Variants in IQSEC1 observed in about 807,000 individuals in gnomAD.
The protein encoded by IQSEC1 is IQ motif and Sec7 domain ArfGEF 1.
IQSEC1 carries 31 observed loss-of-function variants against 91.0 expected under a neutral mutation model. The observed-to-expected ratio is 0.34, with a 90% confidence interval of 0.26 to 0.46. The LOEUF is 0.46. Among genes scored for constraint, IQSEC1 ranks in the 20% least tolerant of loss-of-function variants. The pLI is 1.00. For missense variants in IQSEC1, 1,388 were observed against 1,575.6 expected (o/e 0.88, Z 2.02); for synonymous variants, 699 against 662.6 (o/e 1.05, Z -0.84).
At position 12,941,606 on chromosome 3, in the gene IQSEC1, T is replaced by C. The variant is rs746031903; in HGVS notation, c.283A>G (p.Ser95Gly). 5.6e-6 allele frequency: 9 copies of C among 1,604,744 alleles called. No individual in the cohort carries two copies. Among genetic ancestry groups the C allele is most frequent in the Admixed American group, 3.4e-5 (2 of 59,352 alleles). ...TGCAGGTCCGAGGAGAGCTCATAGC[T>C]CTCGGAGAGTGAGCGTGAGCGCTTG... Reference protein sequence around the residue: ...AIKRSRSLSESYELSSDLQDK... With the variant: ...AIKRSRSLSEGYELSSDLQDK... Residue 95 changes from serine to glycine, a missense_variant, in exon 2 of 14, where the codon AGC (serine) becomes GGC (glycine). Physicochemically the swap from Ser to Gly is moderately conservative, Grantham distance 56 (BLOSUM62 0). Transcript: ENST00000613206.
chr3:13,094,920 G>T (rs1167442444), intron 2 of IQSEC1, among the ~76,000 whole-genome samples: 2 of 152,192 alleles, frequency 1.3e-5, no homozygotes, highest in Admixed American at 6.5e-5. Flanking sequence ...TGAACCAGCT[G>T]CAGGCCACAC....
chr3:12,927,673 G>A (rs1271079500), intron 3 of IQSEC1, among the ~76,000 whole-genome samples: 1 of 152,262 alleles, frequency 6.6e-6, no homozygotes, highest in Non-Finnish European at 1.5e-5. Context: ...TGGGAAGCGG[G>A]CACGTGGGCT....
intron 1 of IQSEC1, among the ~76,000 whole-genome samples, chr3:13,006,109 G>A (rs1702624609): frequency 6.6e-6 from 1 of 152,162 alleles, no homozygotes; most frequent in Admixed American, 6.5e-5. Flanking sequence ...TACATATCTT[G>A]TGATTGCCAA....
At chr3:13,146,457 G>A (rs771596941) in intron 2 of IQSEC1, among the ~76,000 whole-genome samples, 21 of 152,176 alleles carry the variant, frequency 1.4e-4, no homozygotes, top group Non-Finnish European at 2.8e-4. Context: ...GGCAGCACAC[G>A]ACACGGTGGG....
At chr3:12,956,309 C>T (rs192290621) in intron 1 of IQSEC1, among the ~76,000 whole-genome samples, 5 of 152,334 alleles carry the variant, frequency 3.3e-5, no homozygotes, top group South Asian at 2.1e-4. Context: ...CTAGGATCTA[C>T]AGTTTGGGAC....
intron 1 of IQSEC1, among the ~76,000 whole-genome samples, chr3:13,018,861 C>T (rs549058552): frequency 1.1e-4 from 17 of 152,334 alleles, no homozygotes; most frequent in Non-Finnish European, 1.6e-4. Context: ...GTCACGTCCA[C>T]GGTAGGAAGG....
At chr3:13,163,782 A>G (rs888284883) in intron 2 of IQSEC1, among the ~76,000 whole-genome samples, 1 of 152,052 alleles carries the variant, frequency 6.6e-6, no homozygotes, top group South Asian at 2.1e-4. Context: ...TTCTGGTCCT[A>G]GACGGGTCAC....
At chr3:13,121,836 T>G (rs1706429258) in intron 2 of IQSEC1, among the ~76,000 whole-genome samples, 1 of 152,164 alleles carries the variant, frequency 6.6e-6, no homozygotes, top group South Asian at 2.1e-4. Flanking sequence ...GGGGACAGAC[T>G]AGGCCGCCTT....
At chr3:13,136,913 G>A (rs1706721125) in intron 2 of IQSEC1, among the ~76,000 whole-genome samples, 1 of 152,228 alleles carries the variant, frequency 6.6e-6, no homozygotes, top group Non-Finnish European at 1.5e-5. Context: ...AAAGTAGGAG[G>A]AACACTTGGT....
At chr3:13,002,476 G>A (rs191989598) in intron 1 of IQSEC1, among the ~76,000 whole-genome samples, 3 of 150,362 alleles carry the variant, frequency 2.0e-5, no homozygotes, top group East Asian at 2.0e-4. Context: ...GAGCCCAGGA[G>A]TTCGAGACTG....
chr3:13,063,318 G>C (rs746373254), intron 1 of IQSEC1, among the ~76,000 whole-genome samples: 17 of 152,378 alleles, frequency 1.1e-4, no homozygotes, highest in Non-Finnish European at 2.1e-4. Flanking sequence ...GTCATAAAAA[G>C]TACTTGCTTC....
intron 1 of IQSEC1, among the ~76,000 whole-genome samples, chr3:13,239,024 G>A (rs187548653): frequency 1.1e-3 from 169 of 152,308 alleles, no homozygotes; most frequent in African/African-American, 4.0e-3. Context: ...TCCTGTCTCC[G>A]CTTGAGGACA....
intron 1 of IQSEC1, among the ~76,000 whole-genome samples, chr3:13,015,399 T>C (rs1336108502): frequency 6.6e-6 from 1 of 152,136 alleles, no homozygotes; most frequent in African/African-American, 2.4e-5. Context: ...AGGGCGAGCC[T>C]GTGTGCATTC....
intron 1 of IQSEC1, among the ~76,000 whole-genome samples, chr3:12,998,874 G>A (rs889920852): frequency 1.3e-5 from 2 of 152,040 alleles, no homozygotes; most frequent in African/African-American, 4.8e-5. Flanking sequence ...GGGGTCGGGG[G>A]GCAGGATCAA....
At chr3:12,912,903 C>G (rs576018039) in intron 9 of IQSEC1, among the ~76,000 whole-genome samples, 1 of 152,340 alleles carries the variant, frequency 6.6e-6, no homozygotes, top group East Asian at 1.9e-4. Flanking sequence ...CTTGCAGGGA[C>G]CAGCTCAGGG....
chr3:13,068,518 A>G (rs572313281), intron 1 of IQSEC1, among the ~76,000 whole-genome samples: 48 of 152,288 alleles, frequency 3.2e-4, no homozygotes, highest in South Asian at 4.1e-4. Flanking sequence ...GGAGGCCCCA[A>G]TGCAGTTCCC....
At chr3:13,136,396 G>A (rs1484350972) in intron 2 of IQSEC1, among the ~76,000 whole-genome samples, 2 of 152,128 alleles carry the variant, frequency 1.3e-5, no homozygotes, top group Non-Finnish European at 2.9e-5. Flanking sequence ...TCCCTTAAAC[G>A]AGAAACAAAA....
At chr3:13,094,438 A>G (rs1319624931) in intron 2 of IQSEC1, among the ~76,000 whole-genome samples, 6 of 152,048 alleles carry the variant, frequency 3.9e-5, no homozygotes, top group Non-Finnish European at 8.8e-5. Flanking sequence ...CCCTCCCCCA[A>G]TCATATACAA....
intron 1 of IQSEC1, among the ~76,000 whole-genome samples, chr3:13,178,220 C>G (rs7626581): frequency 0.063 from 9,552 of 152,344 alleles, 946 homozygotes; most frequent in African/African-American, 0.21. Flanking sequence ...ACTGTGCCCA[C>G]TGCTGTGCCA....
Sources: allele counts gnomAD v4.1 joint callset (sites outside exome capture counted in the v4.1 genomes callset), GRCh38; gene constraint gnomAD v4.1.1; transcripts MANE v1.5; gene names NCBI Gene and HGNC (gene_info 2026-07-23, HGNC 2026-07-21).